Variants in LRP1B observed in about 807,000 individuals in gnomAD.
LRP1B encodes low-density lipoprotein receptor-related protein 1B.
Under a neutral mutation model 556.6 loss-of-function variants are expected in LRP1B, and 217 were observed. The observed-to-expected ratio is 0.39, with a 90% CI of 0.35 to 0.44. The LOEUF (loss-of-function observed/expected upper bound fraction) is 0.44, where lower values mean the gene tolerates loss of function less well. Among genes scored for constraint, LRP1B ranks in the 20% least tolerant of loss-of-function variants. The pLI is 1.00. For synonymous variants in LRP1B, 2,047 were observed against 1,865.8 expected (o/e 1.10, Z -2.50); for missense variants, 5,053 against 5,620.8 (o/e 0.90, Z 3.23).
intron 32 of LRP1B, among the ~76,000 whole-genome samples, chr2:140,801,822 A>G (rs1443911097): frequency 7.2e-5 from 11 of 152,062 alleles, no homozygotes; most frequent in Admixed American, 7.2e-4. Context: ...CAGATTTTGA[A>G]AGTTTGCAGA....
intron 50 of LRP1B, among the ~76,000 whole-genome samples, chr2:140,515,723 T>C (rs989099395): frequency 5.9e-5 from 9 of 152,088 alleles, no homozygotes; most frequent in Admixed American, 3.3e-4. Context: ...TCAGAAATTA[T>C]GAATCCACAT....
intron 2 of LRP1B, among the ~76,000 whole-genome samples, chr2:141,534,598 C>T (rs1387530651): frequency 6.6e-6 from 1 of 152,056 alleles, no homozygotes; most frequent in East Asian, 1.9e-4. Flanking sequence ...ACACACAGAA[C>T]AGGGAAACAA....
intron 1 of LRP1B, among the ~76,000 whole-genome samples, chr2:141,876,385 A>G (rs1698760248): frequency 6.6e-6 from 1 of 152,002 alleles, no homozygotes; most frequent in Non-Finnish European, 1.5e-5. Flanking sequence ...CCAGGTAATT[A>G]GTCTAGGACT....
intron 3 of LRP1B, among the ~76,000 whole-genome samples, chr2:141,364,353 G>T (rs866885506): frequency 7.5e-4 from 112 of 149,678 alleles, no homozygotes; most frequent in African/African-American, 2.6e-3. Context: ...ATTAAATCAC[G>T]CACACACACG....
intron 7 of LRP1B, among the ~76,000 whole-genome samples, chr2:141,115,643 GTGTGTGTGTGTGTGTT>G (rs1364669811): frequency 1.7e-5 from 2 of 117,802 alleles, no homozygotes; most frequent in African/African-American, 5.7e-5. Context: ...GTGTGTGTGT[GTGTGTGTGTGTGTGTT>G]TTTTAGTAGA....
At chr2:141,125,861 A>AAC (rs70991141) in intron 7 of LRP1B, among the ~76,000 whole-genome samples, 1 of 150,168 alleles carries the variant, frequency 6.7e-6, no homozygotes, top group East Asian at 1.9e-4. Context: ...AAAAAAAAAA[A>AAC]CAAAAAACCT....
At chr2:141,456,411 T>G (rs1030030091) in intron 3 of LRP1B, among the ~76,000 whole-genome samples, 2 of 152,196 alleles carry the variant, frequency 1.3e-5, no homozygotes, top group African/African-American at 4.8e-5. Flanking sequence ...CACATCATAC[T>G]ATTTCAAATA....
chr2:140,856,675 G>A (rs1299745545), intron 27 of LRP1B, among the ~76,000 whole-genome samples: 1 of 152,068 alleles, frequency 6.6e-6, no homozygotes, highest in Non-Finnish European at 1.5e-5. Context: ...AATTTAGCCT[G>A]AGGGTTGTAC....
At chr2:141,213,995 G>T (rs549768275) in intron 6 of LRP1B, among the ~76,000 whole-genome samples, 1 of 151,426 alleles carries the variant, frequency 6.6e-6, no homozygotes, top group Admixed American at 6.6e-5. Context: ...AAAAATAGTT[G>T]CTATACTGTA....
chr2:141,644,318 G>A (rs1689467071), intron 2 of LRP1B, among the ~76,000 whole-genome samples: 1 of 150,822 alleles, frequency 6.6e-6, no homozygotes, highest in Non-Finnish European at 1.5e-5. Flanking sequence ...GAAGTCTGAT[G>A]GCTTTAAAAA....
chr2:141,305,716 G>T (rs1686562559), intron 3 of LRP1B, among the ~76,000 whole-genome samples: 1 of 152,190 alleles, frequency 6.6e-6, no homozygotes, highest in South Asian at 2.1e-4. Context: ...TCTGACGTTA[G>T]CTCTGGGTTT....
intron 85 of LRP1B, among the ~76,000 whole-genome samples, chr2:140,271,157 CAAAT>C (rs34211454): frequency 0.068 from 10,035 of 147,294 alleles, 366 homozygotes; most frequent in Middle Eastern, 0.14. Context: ...TTTAAATAAA[CAAAT>C]AATTAGATTG....
At chr2:141,918,685 T>C (rs562114473) in intron 1 of LRP1B, among the ~76,000 whole-genome samples, 40 of 152,284 alleles carry the variant, frequency 2.6e-4, no homozygotes, top group African/African-American at 9.4e-4. Flanking sequence ...ACTTTAACTG[T>C]TGGCCTCCTA....
intron 11 of LRP1B, among the ~76,000 whole-genome samples, chr2:141,023,269 ACACT>A (rs1698118532): frequency 6.6e-6 from 1 of 151,976 alleles, no homozygotes; most frequent in African/African-American, 2.4e-5. Flanking sequence ...AAACACCCAC[ACACT>A]CACATATCTC....
chr2:141,475,202 C>T (rs1032617409), intron 3 of LRP1B, among the ~76,000 whole-genome samples: 4 of 151,914 alleles, frequency 2.6e-5, no homozygotes, highest in Non-Finnish European at 4.4e-5. Context: ...GTGAAACCCC[C>T]TCTATACTAA....
intron 66 of LRP1B, among the ~76,000 whole-genome samples, chr2:140,436,273 A>C (rs1293811046): frequency 1.3e-5 from 2 of 152,216 alleles, no homozygotes; most frequent in Non-Finnish European, 2.9e-5. Flanking sequence ...TTAAAAGTTT[A>C]GAAATATACC....
intron 2 of LRP1B, among the ~76,000 whole-genome samples, chr2:141,751,861 ATTTTTT>A (rs955785451): frequency 5.4e-5 from 8 of 148,294 alleles, no homozygotes; most frequent in African/African-American, 2.0e-4. Flanking sequence ...AGTATGACTG[ATTTTTT>A]TTTATTTTAA....
chr2:140,668,326 A>C (rs1685356415), intron 41 of LRP1B, among the ~76,000 whole-genome samples: 1 of 147,274 alleles, frequency 6.8e-6, no homozygotes, highest in Non-Finnish European at 1.5e-5. Context: ...AAAAAAAAAA[A>C]AAAAAAAAAA....
intron 41 of LRP1B, among the ~76,000 whole-genome samples, chr2:140,631,440 G>A (rs1037625844): frequency 6.6e-6 from 1 of 152,138 alleles, no homozygotes; most frequent in African/African-American, 2.4e-5. Context: ...AGAACAGTTG[G>A]GTAATGTAAG....
Sources: allele counts gnomAD v4.1 joint callset (sites outside exome capture counted in the v4.1 genomes callset), GRCh38; gene constraint gnomAD v4.1.1; transcripts MANE v1.5; gene names NCBI Gene and HGNC (gene_info 2026-07-23, HGNC 2026-07-21).